Variants in DCC observed in about 807,000 individuals in gnomAD.
DCC encodes the protein DCC netrin 1 receptor.
In DCC, 58 loss-of-function variants were observed where a neutral mutation model predicts 172.5. The ratio of observed to expected loss-of-function variants is 0.34; its 90% CI spans 0.27 to 0.42. The LOEUF is 0.42. Among genes scored for constraint, DCC ranks in the 10% least tolerant of loss-of-function variants. The pLI, the probability that DCC is intolerant of heterozygous loss-of-function variation, is 1.00. For missense variants in DCC, 1,740 were observed against 1,791.0 expected (o/e 0.97, Z 0.51); for synonymous variants, 709 against 644.5 (o/e 1.10, Z -1.52).
At chr18:53,426,460 T>C (rs1053130710) in intron 21 of DCC, among the ~76,000 whole-genome samples, 4 of 127,044 alleles carry the variant, frequency 3.1e-5, no homozygotes, top group Non-Finnish European at 7.1e-5. Flanking sequence ...ATGTAATATA[T>C]ATTTATTATA....
At chr18:52,463,139 A>C (rs1211072911) in intron 1 of DCC, among the ~76,000 whole-genome samples, 2 of 151,956 alleles carry the variant, frequency 1.3e-5, no homozygotes, top group Non-Finnish European at 2.9e-5. Flanking sequence ...CTTTATATAT[A>C]TTTTCTGTTT....
intron 1 of DCC, among the ~76,000 whole-genome samples, chr18:52,644,170 A>G (rs568261339): frequency 6.6e-6 from 1 of 152,336 alleles, no homozygotes; most frequent in East Asian, 1.9e-4. Flanking sequence ...TGTGTTATAC[A>G]GCCAAAACAG....
intron 7 of DCC, among the ~76,000 whole-genome samples, chr18:53,154,535 CA>C (rs2054696957): frequency 6.6e-6 from 1 of 152,064 alleles, no homozygotes; most frequent in South Asian, 2.1e-4. Context: ...GGATGCTGCA[CA>C]GAGAATATAT....
At chr18:53,505,881 G>A (rs967409563) in intron 27 of DCC, among the ~76,000 whole-genome samples, 1 of 152,100 alleles carries the variant, frequency 6.6e-6, no homozygotes. Flanking sequence ...TACACTTGAT[G>A]GGTCACATGG....
chr18:52,771,974 G>A (rs1184135495), intron 2 of DCC, among the ~76,000 whole-genome samples: 1 of 151,720 alleles, frequency 6.6e-6, no homozygotes, highest in Non-Finnish European at 1.5e-5. Flanking sequence ...ATATACCAAA[G>A]TTTTAATATG....
intron 23 of DCC, among the ~76,000 whole-genome samples, chr18:53,453,064 CGCCACCACGCCCA>C (rs977613499): frequency 1.3e-5 from 2 of 151,774 alleles, no homozygotes; most frequent in African/African-American, 4.8e-5. Flanking sequence ...TACAGGTGCC[CGCCACCACGCCCA>C]GCTAATTTCT....
intron 5 of DCC, among the ~76,000 whole-genome samples, chr18:52,944,894 T>C (rs1280403566): frequency 6.6e-6 from 1 of 152,216 alleles, no homozygotes; most frequent in Non-Finnish European, 1.5e-5. Flanking sequence ...ATCCAAAGTT[T>C]TAGTTGTCTA....
At chr18:52,796,038 A>G (rs2145216258) in intron 2 of DCC, among the ~76,000 whole-genome samples, 1 of 140,012 alleles carries the variant, frequency 7.1e-6, no homozygotes, top group Non-Finnish European at 1.6e-5. Flanking sequence ...TTTCATTTAA[A>G]TTGTTTTCTA....
intron 2 of DCC, among the ~76,000 whole-genome samples, chr18:52,819,724 CT>C (rs5824965): frequency 0.083 from 12,339 of 148,324 alleles, 606 homozygotes; most frequent in South Asian, 0.19. Context: ...AACTTGTGAA[CT>C]TTTTTTTTTT....
intron 1 of DCC, among the ~76,000 whole-genome samples, chr18:52,459,013 T>C (rs1382833127): frequency 6.6e-6 from 1 of 152,176 alleles, no homozygotes; most frequent in Non-Finnish European, 1.5e-5. Context: ...CCAATGAATG[T>C]GCTTTAACTC....
In DCC at chr18:52,476,311, C is replaced by T. The variant is rs577494458; in HGVS notation, c.91+135433C>T. ...GTTTTATTTCAAATCACCTGGCTGT[C>T]GGCATAACAAACCTTAGATTTAGAT... On this transcript the variant is annotated intron_variant, in intron 1 of 28. Transcript: ENST00000442544. Among the ~76,000 whole-genome samples, 18 of 152,244 alleles carry T rather than the reference C, an allele frequency of 1.2e-4. 1 individual carries two copies. The highest frequency in any genetic ancestry group is 2.1e-4 in the South Asian group (1 of 4,826).
intron 22 of DCC, among the ~76,000 whole-genome samples, chr18:53,446,367 G>C (rs1469687428): frequency 6.6e-6 from 1 of 152,058 alleles, no homozygotes; most frequent in African/African-American, 2.4e-5. Context: ...GGTCACTGTG[G>C]TGCAACTATT....
chr18:52,487,046 C>T (rs73448694), intron 1 of DCC, among the ~76,000 whole-genome samples: 7,628 of 152,148 alleles, frequency 0.05, 215 homozygotes, highest in Middle Eastern at 0.14. Context: ...TTAAATAAAA[C>T]TGAGTTAATA....
chr18:52,388,796 G>C (rs929062418), intron 1 of DCC, among the ~76,000 whole-genome samples: 4 of 152,066 alleles, frequency 2.6e-5, no homozygotes, highest in African/African-American at 9.7e-5. Flanking sequence ...AGTTTTCCAG[G>C]CATGGTCAGG....
At chr18:52,341,056 G>A (rs894332987) in intron 1 of DCC, among the ~76,000 whole-genome samples, 178 bp downstream of exon 1, 1 of 151,486 alleles carries the variant, frequency 6.6e-6, no homozygotes, top group African/African-American at 2.4e-5. Flanking sequence ...CCCTGGGGGC[G>A]GATGATGGTG....
At chr18:53,358,894 A>C (rs1000857561) in intron 15 of DCC, among the ~76,000 whole-genome samples, 1 of 152,176 alleles carries the variant, frequency 6.6e-6, no homozygotes, top group Non-Finnish European at 1.5e-5. Context: ...TCATGAAAAG[A>C]ATAAGTGTGG....
chr18:52,456,276 T>A (rs532760304), intron 1 of DCC, among the ~76,000 whole-genome samples: 15 of 152,316 alleles, frequency 9.8e-5, no homozygotes, highest in Middle Eastern at 3.4e-3. Flanking sequence ...TTGTTACTAT[T>A]ATAATTGTGG....
intron 7 of DCC, among the ~76,000 whole-genome samples, chr18:53,091,662 A>G (rs2043011033): frequency 6.6e-6 from 1 of 151,668 alleles, no homozygotes; most frequent in African/African-American, 2.4e-5. Flanking sequence ...TAAGAGCACA[A>G]ATTCTATTTA....
chr18:53,435,015 G>T, intron 21 of DCC, 129 bp from the exon 22 acceptor site: 1 of 761,768 alleles, frequency 1.3e-6, no homozygotes. Flanking sequence ...GGGTATGAGA[G>T]TTGTCAGGCT....
Sources: gnomAD v4.1 joint callset for allele counts (sites outside exome capture counted in the v4.1 genomes callset) on GRCh38, gnomAD v4.1.1 for gene constraint, MANE v1.5 for transcripts, NCBI Gene and HGNC (gene_info 2026-07-23, HGNC 2026-07-21) for gene names.